The following PRKD2 variants were observed in gnomAD, a reference collection of about 807,000 sequenced individuals.
The protein encoded by PRKD2 is protein kinase D2.
Under a neutral mutation model 86.0 loss-of-function variants are expected in PRKD2, and 22 were observed. That is an observed-to-expected ratio of 0.26 (90% CI 0.18 to 0.37). PRKD2 has a LOEUF of 0.37. PRKD2 is among the 10% of genes least tolerant of loss of function. The pLI, the probability that PRKD2 is intolerant of heterozygous loss-of-function variation, is 1.00. For synonymous variants in PRKD2, 509 were observed against 510.9 expected (o/e 1.00, Z 0.05); for missense variants, 818 against 1,199.2 (o/e 0.68, Z 4.70).
intron 16 of PRKD2, among the ~76,000 whole-genome samples, chr19:46,677,975 A>G (rs1276247496): frequency 1.3e-5 from 2 of 152,110 alleles, no homozygotes; most frequent in African/African-American, 4.8e-5. Flanking sequence ...CCTTTTTGCA[A>G]GGCTGACCCT....
Position 46,703,958 on chromosome 19 carries a change from A to ACACACACACAC in PRKD2, c.889+210_889+211insGTGTGTGTGTG, listed in dbSNP as rs1555830818. On this transcript the variant is annotated intron_variant, in intron 5 of 17. Coordinates refer to ENST00000291281, the MANE Select transcript of PRKD2 (RefSeq NM_016457.5). ...CACCCTGTCTCCAAAAAACAACAAC[A>ACACACACACAC]ACACACACACACACACACACACACA... 7.5e-5 allele frequency among the ~76,000 whole-genome samples: 10 copies of ACACACACACAC among 133,658 alleles called. No individual in the cohort carries two copies. In the South Asian group the frequency reaches 1.0e-3, roughly 14 times the overall value. 87.7% of individuals were successfully genotyped at this position (133,658 alleles called of 152,430 possible).
chr19:46,714,124 C>G, intron 1 of PRKD2, 123 bp from the exon 2 acceptor site: 1 of 1,429,908 alleles, frequency 7.0e-7, no homozygotes, highest in Non-Finnish European at 9.2e-7. Context: ...ACCCCGCAGG[C>G]CCTCGCTTCC....
intron 2 of PRKD2, among the ~76,000 whole-genome samples, chr19:46,712,498 G>A (rs953437479): frequency 3.3e-5 from 5 of 151,986 alleles, no homozygotes; most frequent in Non-Finnish European, 5.9e-5. Context: ...CTGAGTTTGC[G>A]CCACTGCACT....
At chr19:46,685,258 C>CAAAAAA (rs763420052) in intron 14 of PRKD2, among the ~76,000 whole-genome samples, 12 of 89,030 alleles carry the variant, frequency 1.3e-4, no homozygotes, top group South Asian at 3.4e-4. Context: ...GACTTCGTCT[C>CAAAAAA]AAAAAAAAAA....
At chr19:46,712,697 T>G (rs915682948) in intron 2 of PRKD2, among the ~76,000 whole-genome samples, 2 of 152,242 alleles carry the variant, frequency 1.3e-5, no homozygotes, top group African/African-American at 4.8e-5. Context: ...TCCAGACTTC[T>G]GTCATTCATT....
chr19:46,701,064 T>G lies in PRKD2; in HGVS notation c.938A>C (p.Asp313Ala). ...ATTGATAAGGGCCTCCCCCAGGCAGTCATTAGGGACGCGGGTGGCGCAGCG... is the reference window on the plus strand; with the variant it reads ...ATTGATAAGGGCCTCCCCCAGGCAGGCATTAGGGACGCGGGTGGCGCAGCG... ...HKRCATRVPNDCLGEALINGD... is the reference protein window; with the variant it reads ...HKRCATRVPNACLGEALINGD... Residue 313 changes from aspartate (D) to alanine (A), a missense_variant, in exon 6 of 18, where the codon GAC becomes GCC. This residue lies in a region of PRKD2 where 403 missense variants were observed against 518.6 expected (regional missense o/e 0.78). Transcript: ENST00000291281. 6.2e-7 allele frequency: 1 copy of G among 1,614,094 alleles called. No individual in the cohort carries two copies. The highest frequency in any genetic ancestry group is 1.7e-5 in the Admixed American group (1 of 60,004).
chr19:46,707,610 C>T (rs972060036), intron 3 of PRKD2, among the ~76,000 whole-genome samples: 4 of 151,750 alleles, frequency 2.6e-5, no homozygotes, highest in Non-Finnish European at 5.9e-5. Context: ...AACAATGGAG[C>T]CACAGGGTCT....
chr19:46,703,992 C>CACACACACACACAA (rs946341425), intron 5 of PRKD2, among the ~76,000 whole-genome samples, 177 bp downstream of exon 5: 1 of 150,200 alleles, frequency 6.7e-6, no homozygotes, highest in Non-Finnish European at 1.5e-5. Context: ...CACACACACA[C>CACACACACACACAA]AACTGAGGTT....
chr19:46,697,116 A>C (rs964772103), intron 9 of PRKD2, 41 bp downstream of exon 9: 6 of 1,481,170 alleles, frequency 4.1e-6, no homozygotes, highest in Non-Finnish European at 5.7e-6. Flanking sequence ...GTTTGTGGGC[A>C]CAGCGGGAAG....
In PRKD2 at chr19:46,688,609, G is replaced by A. The variant is rs978157363; in HGVS notation, c.1971+928C>T. Among the ~76,000 whole-genome samples, 10 of 151,070 alleles carry A rather than the reference G, an allele frequency of 6.6e-5. No individual in the cohort carries two copies. The East Asian group carries it at 2.0e-3, about 30-fold the overall frequency. On this transcript the variant is annotated intron_variant, in intron 14 of 17. Transcript: ENST00000291281. ...CTGCCACCATGCTCAGCTAATTTTTGTATTTTTAGTAGAGACAGGGTTTCA... is the reference window on the plus strand; with the variant it reads ...CTGCCACCATGCTCAGCTAATTTTTATATTTTTAGTAGAGACAGGGTTTCA...
At chr19:46,684,141 T>C (rs1448818807) in intron 14 of PRKD2, among the ~76,000 whole-genome samples, 6 of 152,152 alleles carry the variant, frequency 3.9e-5, no homozygotes, top group South Asian at 2.1e-4. Context: ...AAAAATCTTT[T>C]TGTAGAGATG....
chr19:46,713,837 C>A, intron 2 of PRKD2, 26 bp downstream of exon 2: 1 of 1,503,128 alleles, frequency 6.7e-7, no homozygotes. Context: ...CGAGGCCCCG[C>A]CCCCAGGCCG....
Position 46,710,899 on chromosome 19 carries a change from G to A in PRKD2, c.511+8C>T. 2 of 1,189,636 alleles carry A rather than the reference G, an allele frequency of 1.7e-6. No homozygotes were observed. Among genetic ancestry groups the A allele is most frequent in the Non-Finnish European group, 2.4e-6 (2 of 846,740 alleles). The allele number at this position is 1,189,636 out of a possible 1,614,324, so 73.7% of individuals were successfully genotyped here. ...CCCAGGCCCCGCCCCCAACCCTTTA[G>A]CTCTCACCATCGCACTTGAGGCCCT... is the stretch of plus-strand genomic sequence containing the variant. On this transcript the variant is annotated splice_region_variant and intron_variant, in intron 3 of 17. Coordinates refer to ENST00000291281, the MANE Select transcript of PRKD2 (RefSeq NM_016457.5).
At chr19:46,683,694 G>A (rs2053350073) in intron 14 of PRKD2, among the ~76,000 whole-genome samples, 1 of 152,000 alleles carries the variant, frequency 6.6e-6, no homozygotes, top group South Asian at 2.1e-4. Flanking sequence ...CTCCAGCCTG[G>A]GCGACAGAGT....
At chr19:46,703,021 G>A (rs956388900) in intron 5 of PRKD2, among the ~76,000 whole-genome samples, 3 of 152,074 alleles carry the variant, frequency 2.0e-5, no homozygotes, top group African/African-American at 7.2e-5. Context: ...AAAGTTCTGG[G>A]AGTCTAGAAT....
chr19:46,710,619 C>T (rs1199287884), intron 3 of PRKD2: 2 of 384,794 alleles, frequency 5.2e-6, no homozygotes, highest in Non-Finnish European at 9.5e-6. Context: ...CCCTCTTCCC[C>T]CGCCACCCTT....
chr19:46,714,732 G>C (rs1371643974), intron 1 of PRKD2: 1 of 152,604 alleles, frequency 6.6e-6, no homozygotes. Flanking sequence ...CTGGGGACTT[G>C]AGCACTGGAC....
chr19:46,703,993 A>AC (rs1568732338), intron 5 of PRKD2, among the ~76,000 whole-genome samples, 176 bp downstream of exon 5: 7 of 149,418 alleles, frequency 4.7e-5, no homozygotes, highest in African/African-American at 1.2e-4. Context: ...ACACACACAC[A>AC]ACTGAGGTTC....
chr19:46,716,370 TG>T lies in PRKD2; in HGVS notation c.-1del. 9.5e-7 allele frequency: 1 copy of T among 1,056,912 alleles called. No homozygotes were observed. Among genetic ancestry groups the T allele is most frequent in the Non-Finnish European group, 1.2e-6 (1 of 855,072 alleles). 65.5% of individuals were successfully genotyped at this position (1,056,912 alleles called of 1,614,324 possible). On this transcript the variant is annotated 5_prime_UTR_variant, in exon 1 of 18. Coordinates refer to ENST00000291281, the MANE Select transcript of PRKD2 (RefSeq NM_016457.5). The surrounding 1 kb of genome is among the most constrained non-coding windows in gnomAD (Gnocchi z 7.9). ...GCGGGATAAGAGGGGGCGGTGGCCA[TG>T]GGGGGAGGCCGGGGACCGGCCGCCT...
Sources: allele counts gnomAD v4.1 joint callset (sites outside exome capture counted in the v4.1 genomes callset), GRCh38; gene constraint gnomAD v4.1.1; regional missense constraint gnomAD v4.1.1; non-coding constraint Gnocchi (gnomAD v3.1); transcripts MANE v1.5; gene names NCBI Gene and HGNC (gene_info 2026-07-23, HGNC 2026-07-21).